KIF17: variants seen among roughly 807,000 people sequenced by gnomAD.
KIF17 encodes the protein kinesin family member 17.
A neutral mutation model predicts 96.8 loss-of-function variants in KIF17; 80 were observed. That is an observed-to-expected ratio of 0.83 (90% CI 0.69 to 1.00). The LOEUF is 1.00. Ranked by LOEUF, KIF17 falls within the 50% of genes least tolerant of loss-of-function variation. The pLI is 0.00. For synonymous variants in KIF17, 567 were observed against 587.5 expected (o/e 0.97, Z 0.51); for missense variants, 1,280 against 1,372.9 (o/e 0.93, Z 1.07).
chr1:20,696,114 G>A (rs1037151281), intron 6 of KIF17, among the ~76,000 whole-genome samples: 14 of 152,176 alleles, frequency 9.2e-5, no homozygotes, highest in Non-Finnish European at 1.8e-4. Context: ...GAGCCCATAA[G>A]GATGGACTTG....
rs1383611026 is a variant in KIF17, at chr1:20,709,972, C to T, written c.481-144G>A. 5 of 776,104 alleles carry T rather than the reference C, an allele frequency of 6.4e-6. No homozygotes were observed. In the Admixed American group the frequency reaches 8.1e-5, roughly 13 times the overall value. 48.1% of individuals were successfully genotyped at this position (776,104 alleles called of 1,614,324 possible). A position where few individuals can be genotyped will look rare whatever the true frequency, so the allele number is the denominator to read the frequency against. ...AGGCTGGCACCTCACATGCCTGTCA[C>T]AGGGAGGGGTGTGTTCCAGGCCCAG... On this transcript the variant is annotated intron_variant, in intron 3 of 14. Transcript: ENST00000400463. This position sits in a 1 kb window ranked among gnomAD's most constrained non-coding sequence, Gnocchi z 4.7.
chr1:20,680,038 G>A (rs995896460), intron 11 of KIF17, among the ~76,000 whole-genome samples: 1 of 152,188 alleles, frequency 6.6e-6, no homozygotes, highest in African/African-American at 2.4e-5. Flanking sequence ...AGGCTGGAGT[G>A]CAATGTCACG....
In KIF17 at chr1:20,707,787, ATGTGTGTGTGTGTGTGTGTG is replaced by A. The variant is rs3077930; in HGVS notation, c.670+1832_670+1851del. 1.4e-3 allele frequency among the ~76,000 whole-genome samples: 174 copies of A among 124,560 alleles called. 1 individual carries two copies. Among genetic ancestry groups the A allele is most frequent in the African/African-American group, 5.2e-3 (160 of 30,534 alleles). The allele number at this position is 124,560 out of a possible 152,430, so 81.7% of individuals were successfully genotyped here. On this transcript the variant is annotated intron_variant, in intron 4 of 14. Coordinates refer to ENST00000400463, the MANE Select transcript of KIF17 (RefSeq NM_001122819.3). Reference sequence around the variant, plus strand: ...CAAAAAAAAAAACAAACCAATGTGTATGTGTGTGTGTGTGTGTGTGTGTGTGTGTGTGTGTGTGTGTGTGT... The same window carrying A: ...CAAAAAAAAAAACAAACCAATGTGTATGTGTGTGTGTGTGTGTGTGTGTGT...
At chr1:20,715,346 C>G (rs74058987) in intron 2 of KIF17, 147 bp downstream of exon 2, 8 of 1,063,700 alleles carry the variant, frequency 7.5e-6, no homozygotes, top group Non-Finnish European at 9.7e-6. Context: ...TTTTTCCCAC[C>G]ACCTTTTCAG....
rs1213371387 is a variant in KIF17, at chr1:20,680,678, TAGAA to T, written c.2463+1971_2463+1974del. ...ATTTCTAATCCAAAATTGAAAAACT[TAGAA>T]AGGGACAAAAAAATCAAGAAGATAT... is the stretch of plus-strand genomic sequence containing the variant. On this transcript the variant is annotated intron_variant, in intron 11 of 14. Transcript: ENST00000400463. Among the ~76,000 whole-genome samples the T allele has an allele frequency of 8.6e-5, 13 of 151,986 alleles. No individual in the cohort carries two copies. In the South Asian group the frequency reaches 1.7e-3, roughly 20 times the overall value.
Position 20,684,794 on chromosome 1 carries a change from T to A in KIF17, c.2231+15A>T, listed in dbSNP as rs775201329. 4 of 1,561,004 alleles carry A rather than the reference T, an allele frequency of 2.6e-6. No homozygotes were observed. The East Asian group carries it at 9.6e-5, about 38-fold the overall frequency. On this transcript the variant is annotated intron_variant, in intron 10 of 14. Transcript: ENST00000400463. ...TCACCGTGGGGTCCCGCCAGCCCCA[T>A]GCTCTGCTGCTTACCGGGCCAGCAC...
Position 20,684,918 on chromosome 1 carries a change from C to A in KIF17, c.2122G>T (p.Glu708Ter). 1 of 1,595,492 alleles carries A rather than the reference C, an allele frequency of 6.3e-7. No homozygotes were observed. Among genetic ancestry groups the A allele is most frequent in the Non-Finnish European group, 8.5e-7 (1 of 1,171,696 alleles). ...QAPVALVAQP[E>*]PLPATAGVKR... ...ACACCAGCTGTGGCCGGCAGGGGCT[C>A]AGGCTGAGCCACCAGGGCCACCGGG... Residue 708 changes from glutamate to a stop codon, truncating the protein, a stop_gained, in exon 10 of 15, where the codon GAG becomes TAG. Transcript: ENST00000400463. LOFTEE classifies it high-confidence loss of function.
intron 4 of KIF17, among the ~76,000 whole-genome samples, chr1:20,706,726 AAAAAG>A: frequency 6.6e-6 from 1 of 151,762 alleles, no homozygotes. Context: ...TCTCTACAAA[AAAAAG>A]TATAAAAATT....
At chr1:20,684,653 C>T (rs2053900955) in intron 10 of KIF17, among the ~76,000 whole-genome samples, 156 bp downstream of exon 10, 2 of 152,226 alleles carry the variant, frequency 1.3e-5, no homozygotes, top group African/African-American at 4.8e-5. Flanking sequence ...CCCTGCCCGC[C>T]TAGTCCCCAC....
chr1:20,685,934 TCAGCTCATGGATGAGGAAACTGA>T lies in KIF17; in HGVS notation c.2019+89_2019+111del. 1.1e-6 allele frequency: 1 copy of T among 928,496 alleles called. No homozygotes were observed. The highest frequency in any genetic ancestry group is 1.4e-5 in the South Asian group (1 of 70,946). The allele number at this position is 928,496 out of a possible 1,614,324, so 57.5% of individuals were successfully genotyped here. On this transcript the variant is annotated intron_variant, in intron 9 of 14. Transcript: ENST00000400463. The surrounding 1 kb of genome is among the most constrained non-coding windows in gnomAD (Gnocchi z 4.1). ...CCGGGGAAGGCTGGAGTTGTTGTTC[TCAGCTCATGGATGAGGAAACTGA>T]AGCTCAGGGAGGGAGAAGACAAGCT...
At position 20,712,657 on chromosome 1, in the gene KIF17, C is replaced by CTA. The variant is rs1179020500; in HGVS notation, c.480+795_480+796dup. Among the ~76,000 whole-genome samples, 127 of 14,538 alleles carry CTA rather than the reference C, an allele frequency of 8.7e-3. 13 individuals are homozygous for CTA. Among genetic ancestry groups the CTA allele is most frequent in the Non-Finnish European group, 0.017 (96 of 5,668 alleles). 9.5% of individuals were successfully genotyped at this position (14,538 alleles called of 152,430 possible). On this transcript the variant is annotated intron_variant, in intron 3 of 14. Coordinates refer to ENST00000400463, the MANE Select transcript of KIF17 (RefSeq NM_001122819.3). Reference sequence around the variant, plus strand: ...ATATATATAATATAGATAATATTATCTATATATAATATAGATAATATTATC... The same window carrying CTA: ...ATATATATAATATAGATAATATTATCTATATATATAATATAGATAATATTATC...
chr1:20,669,864 C>CAAAAAAAAAAAAAAAAAAA lies in KIF17; in HGVS notation c.2790+538_2790+556dup, dbSNP rs61673996. On this transcript the variant is annotated intron_variant, in intron 13 of 14. Transcript: ENST00000400463. ...CTGGTGACAGAGCGAGACTCCATCTCAAAAAAAAAAAAAAAAAAAAAAAAA... is the reference window on the plus strand; with the variant it reads ...CTGGTGACAGAGCGAGACTCCATCTCAAAAAAAAAAAAAAAAAAAAAAAAAAAAAAAAAAAAAAAAAAAA... Among the ~76,000 whole-genome samples the CAAAAAAAAAAAAAAAAAAA allele has an allele frequency of 1.6e-4, 3 of 18,438 alleles. 1 individual carries two copies. The highest frequency in any genetic ancestry group is 3.9e-4 in the African/African-American group (2 of 5,152). The allele number at this position is 18,438 out of a possible 152,430, so 12.1% of individuals were successfully genotyped here.
chr1:20,690,094 G>T, intron 7 of KIF17, 94 bp downstream of exon 7: 1 of 1,365,850 alleles, frequency 7.3e-7, no homozygotes, highest in Non-Finnish European at 1.0e-6. Context: ...CTGATCCTCG[G>T]GTGTAGAAAA....
chr1:20,687,471 C>T lies in KIF17; in HGVS notation c.1855G>A (p.Val619Met). 1 of 1,613,976 alleles carries T rather than the reference C, an allele frequency of 6.2e-7. No individual in the cohort carries two copies. The highest frequency in any genetic ancestry group is 8.5e-7 in the Non-Finnish European group (1 of 1,179,994). ...GAGAGTCTGGCCAGCTTGGCTTCCA[C>T]CTCGGCAAACGGGTCCTGCAGGCCT... ...LLGLQDPFAEVEAKLARLSST... is the reference protein window; with the variant it reads ...LLGLQDPFAEMEAKLARLSST... Residue 619 changes from valine to methionine, a missense_variant, in exon 8 of 15, where the codon GTG becomes ATG. Physicochemically the swap from Val to Met is conservative, Grantham distance 21. Transcript: ENST00000400463. This position sits in a 1 kb window ranked among gnomAD's most constrained non-coding sequence, Gnocchi z 4.4.
At chr1:20,670,381 C>G (rs1376293883) in intron 13 of KIF17, 40 bp downstream of exon 13, 8 of 1,583,968 alleles carry the variant, frequency 5.1e-6, no homozygotes, top group Non-Finnish European at 6.1e-6. Context: ...CAAAGCCCTC[C>G]CAGCCCCCGA....
At chr1:20,713,701 C>A (rs1323905404) in intron 2 of KIF17, 146 bp from the exon 3 acceptor site, 3 of 701,328 alleles carry the variant, frequency 4.3e-6, no homozygotes, top group South Asian at 1.5e-5. Context: ...CCAACCCAAC[C>A]CGCCCTGCTG....
rs999725624 is a variant in KIF17 at position 20,682,769 on chromosome 1, C to A, written c.2347G>T (p.Ala783Ser). 4.3e-6 allele frequency: 7 copies of A among 1,612,986 alleles called. No individual in the cohort carries two copies. Among genetic ancestry groups the A allele is most frequent in the Non-Finnish European group, 5.9e-6 (7 of 1,180,032 alleles). Residue 783 changes from alanine (A) to serine (S), a missense_variant, in exon 11 of 15, where the codon GCT becomes TCT. Ala to Ser is a moderately conservative substitution (Grantham distance 99). Transcript: ENST00000400463. ...YADERRKQLV[A>S]ALQNSDEDSG... Reference sequence around the variant, plus strand: ...TCCTCATCCGAGTTCTGCAGGGCAGCCACCAGCTGCTTCCTGCGCTCGTCT... The same window carrying A: ...TCCTCATCCGAGTTCTGCAGGGCAGACACCAGCTGCTTCCTGCGCTCGTCT...
rs2054300002 is a variant in KIF17 at position 20,704,297 on chromosome 1, A to G, written c.1123+150T>C. 1 of 675,126 alleles carries G rather than the reference A, an allele frequency of 1.5e-6. No individual in the cohort carries two copies. The highest frequency in any genetic ancestry group is 2.7e-5 in the East Asian group (1 of 37,140). 41.8% of individuals were successfully genotyped at this position (675,126 alleles called of 1,614,324 possible). A position where few individuals can be genotyped will look rare whatever the true frequency, so the allele number is the denominator to read the frequency against. On this transcript the variant is annotated intron_variant, in intron 5 of 14. Transcript: ENST00000400463. The surrounding 1 kb of genome is among the most constrained non-coding windows in gnomAD (Gnocchi z 6.8). Reference sequence around the variant, plus strand: ...GCAGATACCATCTGGGCCGTCTCCAACCAGGGCCCTGCGCTCACATGGGGC... The same window carrying G: ...GCAGATACCATCTGGGCCGTCTCCAGCCAGGGCCCTGCGCTCACATGGGGC...
At chr1:20,667,528 C>CA (rs1472240214) in intron 13 of KIF17, among the ~76,000 whole-genome samples, 2 of 152,192 alleles carry the variant, frequency 1.3e-5, no homozygotes, top group Non-Finnish European at 2.9e-5. Flanking sequence ...TCAGACCCCC[C>CA]ACCCCGTCCT....
Sources: gnomAD v4.1 joint callset for allele counts (sites outside exome capture counted in the v4.1 genomes callset) on GRCh38, gnomAD v4.1.1 for gene constraint, Gnocchi (gnomAD v3.1) non-coding constraint, MANE v1.5 for transcripts, NCBI Gene and HGNC (gene_info 2026-07-23, HGNC 2026-07-21) for gene names.